The following SLC10A7 variants were observed in gnomAD, a reference collection of about 807,000 sequenced individuals.
SLC10A7 encodes the protein solute carrier family 10 member 7, also known as sodium/bile acid cotransporter 7.
SLC10A7 carries 29 observed loss-of-function variants against 43.2 expected under a neutral mutation model. That is an observed-to-expected ratio of 0.67 (90% CI 0.50 to 0.92). The LOEUF is 0.92. Among genes scored for constraint, SLC10A7 ranks in the 40% least tolerant of loss-of-function variants. The pLI is 0.00. For missense variants in SLC10A7, 295 were observed against 403.2 expected (o/e 0.73, Z 2.30); for synonymous variants, 152 against 144.8 (o/e 1.05, Z -0.35).
rs148684021 is a variant in SLC10A7 at position 146,432,768 on chromosome 4, G to A, written c.435+10015C>T. Among the ~76,000 whole-genome samples the A allele has an allele frequency of 2.6e-3, 392 of 152,256 alleles. 1 individual carries two copies. The highest frequency in any genetic ancestry group is 4.4e-3 in the Non-Finnish European group (300 of 68,016). On this transcript the variant is annotated intron_variant, in intron 5 of 11. Transcript: ENST00000335472. ...AATTATACCTCAATAAACCGGCCGCGGTGGCTCATGCCTGTAATCCCAGAA... is the reference window on the plus strand; with the variant it reads ...AATTATACCTCAATAAACCGGCCGCAGTGGCTCATGCCTGTAATCCCAGAA...
chr4:146,350,848 A>C (rs917921265), intron 5 of SLC10A7, among the ~76,000 whole-genome samples: 6 of 134,810 alleles, frequency 4.5e-5, no homozygotes, highest in Non-Finnish European at 7.8e-5. Flanking sequence ...AAACTAACAA[A>C]CAGAAAGGAC....
intron 4 of SLC10A7, among the ~76,000 whole-genome samples, chr4:146,470,884 C>G (rs1733510042): frequency 6.6e-6 from 1 of 152,172 alleles, no homozygotes. Flanking sequence ...CTCAATCCCT[C>G]TATGTGTGCC....
intron 10 of SLC10A7, among the ~76,000 whole-genome samples, chr4:146,261,569 C>A (rs1165102361): frequency 2.0e-5 from 3 of 152,168 alleles, no homozygotes; most frequent in Non-Finnish European, 2.9e-5. Context: ...TTGCCCTCTT[C>A]TTACTCTGCC....
rs1183503313 is a variant in SLC10A7 at position 146,254,308 on chromosome 4, TAC to T, written c.*2181_*2182del. 6.6e-6 allele frequency: 1 copy of T among 152,128 alleles called. No individual in the cohort carries two copies. The highest frequency in any genetic ancestry group is 1.5e-5 in the Non-Finnish European group (1 of 68,002). 9.4% of individuals were successfully genotyped at this position (152,128 alleles called of 1,614,324 possible). ...TAATCTAATGTATTTCTTTCATAAA[TAC>T]ATTTAGACAAAACAAATGCATAAAA... On this transcript the variant is annotated 3_prime_UTR_variant, in exon 12 of 12. Coordinates refer to ENST00000335472, the MANE Select transcript of SLC10A7 (RefSeq NM_001029998.6).
At chr4:146,330,285 C>G (rs1733440520) in intron 5 of SLC10A7, among the ~76,000 whole-genome samples, 1 of 150,596 alleles carries the variant, frequency 6.6e-6, no homozygotes, top group South Asian at 2.1e-4. Flanking sequence ...ATAGGACATG[C>G]AAAAAAAAGG....
chr4:146,390,205 T>C (rs17021440), intron 5 of SLC10A7, among the ~76,000 whole-genome samples: 32,712 of 152,128 alleles, frequency 0.22, 3,670 homozygotes, highest in African/African-American at 0.27. Flanking sequence ...AGAAACTATA[T>C]TGAAATTGAC....
chr4:146,411,834 T>C (rs1042680763), intron 5 of SLC10A7, among the ~76,000 whole-genome samples: 1 of 152,196 alleles, frequency 6.6e-6, no homozygotes, highest in Non-Finnish European at 1.5e-5. Context: ...AAGTCATGCA[T>C]TTGCTGGAAT....
intron 5 of SLC10A7, among the ~76,000 whole-genome samples, chr4:146,346,365 T>C (rs1335712998): frequency 6.6e-6 from 1 of 152,176 alleles, no homozygotes; most frequent in Non-Finnish European, 1.5e-5. Context: ...ATATGTGTAA[T>C]GTATTTTCTG....
chr4:146,408,273 C>T (rs571863657), intron 5 of SLC10A7, among the ~76,000 whole-genome samples: 3 of 152,164 alleles, frequency 2.0e-5, no homozygotes, highest in East Asian at 1.9e-4. Flanking sequence ...GCTAGCCAGG[C>T]ACGGTGGCTC....
Position 146,521,676 on chromosome 4 carries a change from G to A in SLC10A7, c.42C>T (p.Val14=), listed in dbSNP as rs1187782798. 6 of 1,614,128 alleles carry A rather than the reference G, an allele frequency of 3.7e-6. No homozygotes were observed. The highest frequency in any genetic ancestry group is 2.2e-5 in the East Asian group (1 of 44,874). The change falls in exon 1 of 12, where the codon GTC becomes GTT. Residue 14 remains valine (V), a synonymous_variant. Coordinates refer to ENST00000335472, the MANE Select transcript of SLC10A7 (RefSeq NM_001029998.6). ...LERMRKDWFM[V]GIVLAIAGAK... ...CTCCAGCGATCGCCAGCACTATTCC[G>A]ACCATGAACCAGTCTTTCCTCATTC...
At chr4:146,381,247 A>C (rs1737597752) in intron 5 of SLC10A7, among the ~76,000 whole-genome samples, 1 of 152,158 alleles carries the variant, frequency 6.6e-6, no homozygotes, top group Non-Finnish European at 1.5e-5. Flanking sequence ...AATGATGTAA[A>C]ACAGAGCAAC....
rs185424377 is a variant in SLC10A7 at position 146,261,006 on chromosome 4, C to T, written c.848-2169G>A. 1.6e-4 allele frequency among the ~76,000 whole-genome samples: 25 copies of T among 152,342 alleles called. No homozygotes were observed. The East Asian group carries it at 4.4e-3, about 27-fold the overall frequency. ...AGACATAGCTTTGATCCTCAAGAAG[C>T]TGAAGGTGGACAAATGATCTCTCCC... On this transcript the variant is annotated intron_variant, in intron 10 of 11. Coordinates refer to ENST00000335472, the MANE Select transcript of SLC10A7 (RefSeq NM_001029998.6).
intron 4 of SLC10A7, among the ~76,000 whole-genome samples, chr4:146,487,970 T>C (rs1358395903): frequency 6.6e-6 from 1 of 151,996 alleles, no homozygotes; most frequent in Non-Finnish European, 1.5e-5. Flanking sequence ...GAGGATTGCT[T>C]GAGCCCAGGA....
intron 4 of SLC10A7, among the ~76,000 whole-genome samples, chr4:146,448,245 T>C (rs192143349): frequency 2.6e-5 from 4 of 151,616 alleles, no homozygotes; most frequent in African/African-American, 9.7e-5. Context: ...ATAAAAAAAA[T>C]TTTAAAAAAA....
intron 4 of SLC10A7, among the ~76,000 whole-genome samples, chr4:146,452,285 A>G (rs560879153): frequency 1.3e-5 from 2 of 152,190 alleles, no homozygotes; most frequent in East Asian, 3.9e-4. Flanking sequence ...GCCTTACCCT[A>G]GAAAAGTTCT....
At chr4:146,382,629 C>T (rs1737708192) in intron 5 of SLC10A7, among the ~76,000 whole-genome samples, 1 of 152,056 alleles carries the variant, frequency 6.6e-6, no homozygotes, top group Non-Finnish European at 1.5e-5. Flanking sequence ...AAATAGCTGG[C>T]ACAGAAGATG....
chr4:146,392,006 G>A (rs193067170), intron 5 of SLC10A7, among the ~76,000 whole-genome samples: 25 of 152,304 alleles, frequency 1.6e-4, no homozygotes, highest in Non-Finnish European at 1.0e-4. Flanking sequence ...GCTGAAACCC[G>A]CAGATTCCAA....
intron 5 of SLC10A7, among the ~76,000 whole-genome samples, chr4:146,327,748 G>C (rs559673684): frequency 6.6e-6 from 1 of 152,156 alleles, no homozygotes; most frequent in African/African-American, 2.4e-5. Flanking sequence ...TGCTGCGACC[G>C]GCGCTGCCAC....
intron 6 of SLC10A7, among the ~76,000 whole-genome samples, chr4:146,320,503 G>A (rs1161451073): frequency 1.3e-5 from 2 of 151,976 alleles, no homozygotes; most frequent in East Asian, 3.9e-4. Context: ...CATAAGATAG[G>A]AGCTGTTAAT....
Sources: allele counts gnomAD v4.1 joint callset (sites outside exome capture counted in the v4.1 genomes callset), GRCh38; gene constraint gnomAD v4.1.1; transcripts MANE v1.5; gene names NCBI Gene and HGNC (gene_info 2026-07-23, HGNC 2026-07-21).